Variants in FAM162A observed in about 807,000 individuals in gnomAD.
FAM162A encodes the protein family with sequence similarity 162 member A, also known as protein FAM162A.
FAM162A carries 23 observed loss-of-function variants against 21.8 expected under a neutral mutation model. The ratio of observed to expected loss-of-function variants is 1.05; its 90% CI spans 0.76 to 1.49. The LOEUF is 1.49. FAM162A is among the 40% of genes most tolerant of loss of function. FAM162A has a pLI of 0.00. For missense variants in FAM162A, 165 were observed against 186.4 expected, an observed-to-expected ratio of 0.89 and a Z score of 0.67; for synonymous variants, 53 against 61.3, an observed-to-expected ratio of 0.86 and a Z score of 0.64.
chr3:122,404,684 T>C (rs1357824225), intron 3 of FAM162A, among the ~76,000 whole-genome samples: 1 of 152,214 alleles, frequency 6.6e-6, no homozygotes, highest in Non-Finnish European at 1.5e-5. Flanking sequence ...ATAAATTAAG[T>C]ACCATTGACA....
intron 4 of FAM162A, 55 bp downstream of exon 4, chr3:122,407,444 A>G: frequency 7.2e-7 from 1 of 1,380,182 alleles, no homozygotes; most frequent in Non-Finnish European, 1.0e-6. Flanking sequence ...AAGAACCTAG[A>G]GTAAATCAGG....
chr3:122,400,601 G>GCCT (rs1246637737), intron 1 of FAM162A, among the ~76,000 whole-genome samples: 1 of 152,056 alleles, frequency 6.6e-6, no homozygotes, highest in Admixed American at 6.6e-5. Context: ...GAGGCAGGCG[G>GCCT]ATCACCTAAG....
In FAM162A at chr3:122,390,597, C is replaced by A. The variant is rs186155162; in HGVS notation, c.34+6298C>A. ...GGAGAGAAGCTGGTACTTCAACCAG[C>A]CTCACCCTGGCTGACCACTATAGCC... On this transcript the variant is annotated intron_variant, in intron 1 of 4. Coordinates refer to ENST00000477892, the MANE Select transcript of FAM162A (RefSeq NM_014367.4). 9.2e-5 allele frequency among the ~76,000 whole-genome samples: 14 copies of A among 152,276 alleles called. 1 individual carries two copies. Among genetic ancestry groups the A allele is most frequent in the Admixed American group, 9.2e-4 (14 of 15,298 alleles).
Position 122,412,307 on chromosome 3 carries a change from G to C in FAM162A, c.*2476G>C, listed in dbSNP as rs1205456555. The C allele has an allele frequency of 1.3e-5, 2 of 152,112 alleles. No individual in the cohort carries two copies. Among genetic ancestry groups the C allele is most frequent in the East Asian group, 3.8e-4 (2 of 5,204 alleles). 9.4% of individuals were successfully genotyped at this position (152,112 alleles called of 1,614,324 possible). On this transcript the variant is annotated 3_prime_UTR_variant, in exon 5 of 5. Coordinates refer to ENST00000477892, the MANE Select transcript of FAM162A (RefSeq NM_014367.4). ...TTTACATTTCCTGTAAGTGCTGTTT[G>C]TTTGAATAAAGTTAATGTGTGAGGT... is the stretch of plus-strand genomic sequence containing the variant.
At chr3:122,384,887 G>A (rs1419196403) in intron 1 of FAM162A, among the ~76,000 whole-genome samples, 1 of 152,218 alleles carries the variant, frequency 6.6e-6, no homozygotes, top group African/African-American at 2.4e-5. Context: ...TGGAGGAAGT[G>A]TGTAATTGAA....
At chr3:122,393,732 A>G (rs1432105656) in intron 1 of FAM162A, among the ~76,000 whole-genome samples, 2 of 152,220 alleles carry the variant, frequency 1.3e-5, no homozygotes, top group Non-Finnish European at 2.9e-5. Context: ...AGCTGGGTCA[A>G]ACAAGAAGCT....
At chr3:122,396,207 G>A (rs1184987276) in intron 1 of FAM162A, among the ~76,000 whole-genome samples, 1 of 151,966 alleles carries the variant, frequency 6.6e-6, no homozygotes, top group Non-Finnish European at 1.5e-5. Context: ...TACTTCAAAG[G>A]ACATCATCAA....
Position 122,402,630 on chromosome 3 carries a change from A to C in FAM162A, c.35-130A>C. ...TTTAAATATACTATGTGTATCTTAC[A>C]TATAGTAAATTCATTTCCTAAATGA... On this transcript the variant is annotated intron_variant, in intron 1 of 4. Transcript: ENST00000477892. 3 of 740,842 alleles carry C rather than the reference A, an allele frequency of 4.0e-6. No homozygotes were observed. The South Asian group carries it at 9.9e-5, about 25-fold the overall frequency. 45.9% of individuals were successfully genotyped at this position (740,842 alleles called of 1,614,324 possible). A position where few individuals can be genotyped will look rare whatever the true frequency, so the allele number is the denominator to read the frequency against.
intron 1 of FAM162A, among the ~76,000 whole-genome samples, chr3:122,394,404 A>G (rs2075618191): frequency 6.6e-6 from 1 of 152,182 alleles, no homozygotes; most frequent in African/African-American, 2.4e-5. Flanking sequence ...AACACTTAAT[A>G]AACTTAAAGG....
chr3:122,411,171 G>C lies in FAM162A; in HGVS notation c.*1340G>C, dbSNP rs2075703228. On this transcript the variant is annotated 3_prime_UTR_variant, in exon 5 of 5. Transcript: ENST00000477892. ...TGCTGGTTCTCAGAGAGTTATAAGA[G>C]AGATTAAAAATACATGCAGCTGTTT... is the stretch of plus-strand genomic sequence containing the variant. The C allele has an allele frequency of 6.6e-6, 1 of 152,142 alleles. No homozygotes were observed. Among genetic ancestry groups the C allele is most frequent in the South Asian group, 2.1e-4 (1 of 4,832 alleles). The allele number at this position is 152,142 out of a possible 1,614,324, so 9.4% of individuals were successfully genotyped here. A position where few individuals can be genotyped will look rare whatever the true frequency, so the allele number is the denominator to read the frequency against.
intron 1 of FAM162A, among the ~76,000 whole-genome samples, chr3:122,395,633 C>T (rs2075623533): frequency 6.6e-6 from 1 of 152,152 alleles, no homozygotes; most frequent in East Asian, 1.9e-4. Context: ...ATGGATTCAA[C>T]ACAATCCCCA....
At chr3:122,385,749 T>A (rs1357982179) in intron 1 of FAM162A, among the ~76,000 whole-genome samples, 1 of 152,248 alleles carries the variant, frequency 6.6e-6, no homozygotes, top group Non-Finnish European at 1.5e-5. Flanking sequence ...AGATATAAAA[T>A]TTTTAATAGC....
At chr3:122,384,738 T>G (rs2075566263) in intron 1 of FAM162A, among the ~76,000 whole-genome samples, 2 of 152,138 alleles carry the variant, frequency 1.3e-5, no homozygotes, top group Non-Finnish European at 2.9e-5. Context: ...CCAGAAAACC[T>G]CCAGTCTGAA....
chr3:122,384,286 G>A lies in FAM162A; in HGVS notation c.21G>A (p.Leu7=). The change falls in exon 1 of 5, where the codon CTG becomes CTA. Residue 7 remains leucine (L), a synonymous_variant. Transcript: ENST00000477892. The stretch of plus-strand genomic sequence containing the variant: ...TGGCCATGGGGAGCCTCAGCGGTCT[G>A]CGCCTGGCAGCAGGTGAGACGCCGG... MGSLSG[L]RLAAGSCFRL... is the part of the protein sequence containing the mutation. 1 of 1,579,186 alleles carries A rather than the reference G, an allele frequency of 6.3e-7. No individual in the cohort carries two copies. Among genetic ancestry groups the A allele is most frequent in the Non-Finnish European group, 8.6e-7 (1 of 1,162,950 alleles).
chr3:122,394,523 A>G (rs2107697128), intron 1 of FAM162A, among the ~76,000 whole-genome samples: 1 of 152,350 alleles, frequency 6.6e-6, no homozygotes, highest in Non-Finnish European at 1.5e-5. Context: ...CTCTATGGCA[A>G]AAATTACATA....
At chr3:122,388,112 A>T (rs1308229761) in intron 1 of FAM162A, among the ~76,000 whole-genome samples, 1 of 152,208 alleles carries the variant, frequency 6.6e-6, no homozygotes, top group Non-Finnish European at 1.5e-5. Flanking sequence ...ACTACATACC[A>T]GTTGAATTGC....
chr3:122,388,474 C>T (rs1221718458), intron 1 of FAM162A, among the ~76,000 whole-genome samples: 1 of 152,116 alleles, frequency 6.6e-6, no homozygotes, highest in Non-Finnish European at 1.5e-5. Flanking sequence ...AGCAATTAGT[C>T]TGGAGTTGAT....
intron 1 of FAM162A, among the ~76,000 whole-genome samples, chr3:122,392,361 A>C (rs938245202): frequency 1.3e-5 from 2 of 152,256 alleles, no homozygotes; most frequent in African/African-American, 4.8e-5. Flanking sequence ...AGGTCACATT[A>C]AACCAGTGGT....
rs1159849373 is a variant in FAM162A at position 122,411,885 on chromosome 3, C to CTAAA, written c.*2055_*2058dup. On this transcript the variant is annotated 3_prime_UTR_variant, in exon 5 of 5. Transcript: ENST00000477892. ...TTTTTATTACAAATATTACATTAAACTAAAGCTCACAACTGTTATTATGCA... is the reference window on the plus strand; with the variant it reads ...TTTTTATTACAAATATTACATTAAACTAAATAAAGCTCACAACTGTTATTATGCA... The CTAAA allele has an allele frequency of 6.6e-6, 1 of 152,160 alleles. No individual in the cohort carries two copies. 9.4% of individuals were successfully genotyped at this position (152,160 alleles called of 1,614,324 possible). A position where few individuals can be genotyped will look rare whatever the true frequency, so the allele number is the denominator to read the frequency against.
Sources: gnomAD v4.1 joint callset for allele counts (sites outside exome capture counted in the v4.1 genomes callset) on GRCh38, gnomAD v4.1.1 for gene constraint, MANE v1.5 for transcripts, NCBI Gene and HGNC (gene_info 2026-07-23, HGNC 2026-07-21) for gene names.